The following VRK2 variants were observed in gnomAD, a reference collection of about 807,000 sequenced individuals.
VRK2 encodes serine/threonine-protein kinase VRK2.
VRK2 carries 60 observed loss-of-function variants against 57.6 expected under a neutral mutation model. The observed-to-expected ratio is 1.04, with a 90% CI of 0.85 to 1.29. The LOEUF is 1.29. Ranked by LOEUF, VRK2 falls within the 50% of genes most tolerant of loss-of-function variation. The pLI is 0.00. For missense variants in VRK2, 705 were observed against 588.1 expected (o/e 1.20, Z -2.06); for synonymous variants, 231 against 199.2 (o/e 1.16, Z -1.35).
chr2:57,998,959 C>G (rs1200675270), intron 1 of VRK2, among the ~76,000 whole-genome samples: 1 of 151,936 alleles, frequency 6.6e-6, no homozygotes, highest in Non-Finnish European at 1.5e-5. Context: ...ACTTTACTTT[C>G]AATTTTCAGA....
intron 1 of VRK2, among the ~76,000 whole-genome samples, chr2:57,941,095 C>T (rs965327880): frequency 2.2e-4 from 33 of 152,102 alleles, no homozygotes; most frequent in Middle Eastern, 3.2e-3. Context: ...CCATCAGTTT[C>T]CTAGAAAAAC....
intron 1 of VRK2, among the ~76,000 whole-genome samples, chr2:57,940,587 C>T (rs927930688): frequency 2.6e-5 from 4 of 152,136 alleles, no homozygotes; most frequent in African/African-American, 9.7e-5. Context: ...CACACTATAA[C>T]ATGTTCTCAT....
intron 12 of VRK2, among the ~76,000 whole-genome samples, chr2:58,151,734 T>TG (rs1683083909): frequency 1.3e-5 from 1 of 76,756 alleles, no homozygotes; most frequent in Non-Finnish European, 2.6e-5. Flanking sequence ...TATGCTTGTT[T>TG]TTTTTTTTTT....
At chr2:57,973,860 A>C (rs1280696906) in intron 1 of VRK2, among the ~76,000 whole-genome samples, 1 of 151,842 alleles carries the variant, frequency 6.6e-6, no homozygotes, top group Non-Finnish European at 1.5e-5. Context: ...GGAGAAAAAA[A>C]AATTAGTTGA....
intron 5 of VRK2, among the ~76,000 whole-genome samples, chr2:58,086,844 T>C (rs1671690773): frequency 6.6e-6 from 1 of 152,142 alleles, no homozygotes; most frequent in Non-Finnish European, 1.5e-5. Flanking sequence ...GAGCAATTAA[T>C]TGGGGGACGG....
At chr2:57,921,282 G>GCA (rs1670336163) in intron 1 of VRK2, among the ~76,000 whole-genome samples, 1 of 94,252 alleles carries the variant, frequency 1.1e-5, no homozygotes. Flanking sequence ...TAATTCTTAA[G>GCA]CGCGCACACA....
intron 5 of VRK2, 129 bp downstream of exon 5, chr2:58,086,555 G>A (rs780058540): frequency 1.7e-5 from 12 of 696,430 alleles, no homozygotes; most frequent in Non-Finnish European, 2.7e-5. Flanking sequence ...TATTGTCTTA[G>A]TTTCTGTGAG....
chr2:58,052,168 A>G (rs1475223938), intron 2 of VRK2, among the ~76,000 whole-genome samples: 1 of 152,202 alleles, frequency 6.6e-6, no homozygotes, highest in Admixed American at 6.5e-5. Context: ...TCATCTAGTT[A>G]CTTAATCCTT....
At chr2:57,971,670 T>C (rs1672102631) in intron 1 of VRK2, among the ~76,000 whole-genome samples, 1 of 151,920 alleles carries the variant, frequency 6.6e-6, no homozygotes, top group Admixed American at 6.6e-5. Flanking sequence ...TTTGTGATGA[T>C]AGTATCCATT....
intron 12 of VRK2, among the ~76,000 whole-genome samples, chr2:58,148,789 C>G (rs966531458): frequency 5.3e-5 from 8 of 151,616 alleles, no homozygotes; most frequent in African/African-American, 1.9e-4. Context: ...TTCTTTGGAG[C>G]CCTTTTCAAA....
At chr2:57,994,772 T>G (rs910542630) in intron 1 of VRK2, among the ~76,000 whole-genome samples, 5 of 152,174 alleles carry the variant, frequency 3.3e-5, no homozygotes, top group African/African-American at 1.2e-4. Flanking sequence ...ATTTTTTAGT[T>G]CACTTTGCAA....
chr2:58,126,986 T>C (rs902681823), intron 8 of VRK2, among the ~76,000 whole-genome samples: 1 of 152,074 alleles, frequency 6.6e-6, no homozygotes, highest in African/African-American at 2.4e-5. Flanking sequence ...ATTTAACATA[T>C]TGAGCTTTTT....
intron 7 of VRK2, among the ~76,000 whole-genome samples, chr2:58,103,583 C>T (rs72951065): frequency 0.036 from 5,432 of 151,264 alleles, 325 homozygotes; most frequent in African/African-American, 0.12. Flanking sequence ...ACGAAAGTAG[C>T]GAGATAGAAT....
chr2:58,137,153 TG>T (rs1558686459), intron 10 of VRK2, among the ~76,000 whole-genome samples: 3 of 39,228 alleles, frequency 7.6e-5, no homozygotes, highest in African/African-American at 4.0e-4. Flanking sequence ...ATATATCATG[TG>T]TTTATATATA....
intron 1 of VRK2, among the ~76,000 whole-genome samples, chr2:58,020,764 T>A (rs1673730593): frequency 6.6e-6 from 1 of 152,218 alleles, no homozygotes; most frequent in Non-Finnish European, 1.5e-5. Context: ...ATTATCTTTT[T>A]CTAAAATAAT....
At chr2:58,077,199 A>G (rs1464081051) in intron 2 of VRK2, among the ~76,000 whole-genome samples, 2 of 151,728 alleles carry the variant, frequency 1.3e-5, no homozygotes, top group Non-Finnish European at 2.9e-5. Flanking sequence ...TTATTGAAAT[A>G]TTTTCTTTAT....
In VRK2 at chr2:58,063,474, A is replaced by C. The variant is rs76115428; in HGVS notation, c.136+14507A>C. 6.6e-3 allele frequency among the ~76,000 whole-genome samples: 1,000 copies of C among 152,156 alleles called. 10 individuals are homozygous for C. Among genetic ancestry groups the C allele is most frequent in the African/African-American group, 0.023 (939 of 41,512 alleles). ...TTGGTCACTATGGTTGTATGCATGT[A>C]ACAGATTTTCTCATGTACCCCATAC... On this transcript the variant is annotated intron_variant, in intron 2 of 12. Transcript: ENST00000340157.
intron 2 of VRK2, among the ~76,000 whole-genome samples, chr2:58,032,430 G>A (rs979855985): frequency 6.6e-6 from 1 of 152,016 alleles, no homozygotes; most frequent in African/African-American, 2.4e-5. Flanking sequence ...GTCCTTCCGT[G>A]GCAGAAAAGG....
chr2:57,982,685 G>A (rs1206279453), intron 1 of VRK2, among the ~76,000 whole-genome samples: 1 of 152,190 alleles, frequency 6.6e-6, no homozygotes, highest in Non-Finnish European at 1.5e-5. Context: ...GGAGGGGCTG[G>A]CAGATGTGGA....
Sources: allele counts gnomAD v4.1 joint callset (sites outside exome capture counted in the v4.1 genomes callset), GRCh38; gene constraint gnomAD v4.1.1; transcripts MANE v1.5; gene names NCBI Gene and HGNC (gene_info 2026-07-23, HGNC 2026-07-21).